Variants in HAUS6 observed in about 807,000 individuals in gnomAD.
HAUS6 encodes HAUS augmin like complex subunit 6, also known as HAUS augmin-like complex subunit 6.
In HAUS6, 80 loss-of-function variants were observed where a neutral mutation model predicts 106.8. The observed-to-expected ratio is 0.75, with a 90% confidence interval of 0.63 to 0.90. HAUS6 has a LOEUF of 0.90. Ranked by LOEUF, HAUS6 falls within the 40% of genes least tolerant of loss-of-function variation. The pLI, the probability that HAUS6 is intolerant of heterozygous loss-of-function variation, is 0.00. For missense variants in HAUS6, 1,155 were observed against 1,118.1 expected, an observed-to-expected ratio of 1.03 and a Z score of -0.47; for synonymous variants, 356 against 379.1, an observed-to-expected ratio of 0.94 and a Z score of 0.71.
At chr9:19,080,747 G>GT in intron 8 of HAUS6, 75 bp from the exon 9 acceptor site, 1 of 816,080 alleles carries the variant, frequency 1.2e-6, no homozygotes, top group Non-Finnish European at 1.9e-6. Flanking sequence ...AAATATTTAT[G>GT]TTTTTTACTA....
At chr9:19,074,424 A>C (rs1836946957) in intron 11 of HAUS6, among the ~76,000 whole-genome samples, 1 of 151,912 alleles carries the variant, frequency 6.6e-6, no homozygotes, top group African/African-American at 2.4e-5. Flanking sequence ...GACACACACC[A>C]CCAGGCCTGG....
intron 8 of HAUS6, among the ~76,000 whole-genome samples, chr9:19,081,748 T>C (rs757380966): frequency 6.6e-6 from 1 of 152,260 alleles, no homozygotes; most frequent in East Asian, 1.9e-4. Flanking sequence ...CAGTTTCCAA[T>C]ACTTTTTAAA....
chr9:19,092,400 G>A (rs1037657193), intron 4 of HAUS6, among the ~76,000 whole-genome samples: 7 of 151,826 alleles, frequency 4.6e-5, no homozygotes, highest in African/African-American at 1.7e-4. Context: ...CGGATCACCT[G>A]AGGTCGGGAG....
Position 19,087,173 on chromosome 9 carries a change from A to C in HAUS6, c.585-17T>G, listed in dbSNP as rs1276112113. The C allele has an allele frequency of 7.5e-7, 1 of 1,333,420 alleles. No homozygotes were observed. Among genetic ancestry groups the C allele is most frequent in the South Asian group, 1.2e-5 (1 of 85,014 alleles). 82.6% of individuals were successfully genotyped at this position (1,333,420 alleles called of 1,614,324 possible). A position where few individuals can be genotyped will look rare whatever the true frequency, so the allele number is the denominator to read the frequency against. Reference sequence around the variant, plus strand: ...ACTGATAATCTGCAAGAAAACATACAAAATGACAACTATAATACCATTACG... The same window carrying C: ...ACTGATAATCTGCAAGAAAACATACCAAATGACAACTATAATACCATTACG... On this transcript the variant is annotated splice_polypyrimidine_tract_variant and intron_variant, in intron 5 of 16. Coordinates refer to ENST00000380502, the MANE Select transcript of HAUS6 (RefSeq NM_017645.5).
intron 10 of HAUS6, among the ~76,000 whole-genome samples, chr9:19,077,144 C>G (rs1226084357): frequency 7.9e-5 from 12 of 152,138 alleles, no homozygotes. Context: ...ACGCCCAGCC[C>G]TATAACTATT....
At chr9:19,087,623 G>C (rs1285566459) in intron 5 of HAUS6, among the ~76,000 whole-genome samples, 1 of 152,066 alleles carries the variant, frequency 6.6e-6, no homozygotes. Context: ...GGGAGGCTGA[G>C]GCAGGAATGT....
At chr9:19,098,093 T>A (rs899050633) in intron 1 of HAUS6, among the ~76,000 whole-genome samples, 12 of 152,228 alleles carry the variant, frequency 7.9e-5, no homozygotes, top group African/African-American at 2.4e-4. Flanking sequence ...CTTTGACACT[T>A]ATTGTAATTT....
At chr9:19,099,654 G>T (rs1297543347) in intron 1 of HAUS6, among the ~76,000 whole-genome samples, 1 of 152,148 alleles carries the variant, frequency 6.6e-6, no homozygotes, top group East Asian at 1.9e-4. Context: ...AAGAGACAGG[G>T]TCTCACTATG....
intron 12 of HAUS6, among the ~76,000 whole-genome samples, chr9:19,064,025 T>G (rs1836702716): frequency 6.6e-6 from 1 of 151,190 alleles, no homozygotes. Context: ...TAGAGTGCAA[T>G]GGCGCGATCT....
In HAUS6 at chr9:19,055,585, A is replaced by C; in HGVS notation, c.*758T>G. 1 of 152,264 alleles carries C rather than the reference A, an allele frequency of 6.6e-6. No homozygotes were observed. The highest frequency in any genetic ancestry group is 1.9e-4 in the East Asian group (1 of 5,204). 9.4% of individuals were successfully genotyped at this position (152,264 alleles called of 1,614,324 possible). The stretch of plus-strand genomic sequence containing the variant: ...TTGTTAAAATATAAAAGTAGCATTA[A>C]ATTATCAAAGTCTAAATTAGACTAA... On this transcript the variant is annotated 3_prime_UTR_variant, in exon 17 of 17. Transcript: ENST00000380502.
At chr9:19,094,722 T>C (rs1299102779) in intron 2 of HAUS6, among the ~76,000 whole-genome samples, 1 of 151,772 alleles carries the variant, frequency 6.6e-6, no homozygotes, top group Non-Finnish European at 1.5e-5. Context: ...ACCCAGGAGA[T>C]GGAGTCTGCA....
Position 19,077,919 on chromosome 9 carries a change from G to A in HAUS6, c.1191+257C>T, listed in dbSNP as rs573684752. 1.7e-3 allele frequency among the ~76,000 whole-genome samples: 265 copies of A among 152,138 alleles called. 2 individuals are homozygous for A. Among genetic ancestry groups the A allele is most frequent in the African/African-American group, 6.1e-3 (255 of 41,524 alleles). On this transcript the variant is annotated intron_variant, in intron 10 of 16. Transcript: ENST00000380502. ...ATAAAATTAAAGAAAAAATTAGCCAGGCTTGGTGGTGCAAACCTGTAGTCC... is the reference window on the plus strand; with the variant it reads ...ATAAAATTAAAGAAAAAATTAGCCAAGCTTGGTGGTGCAAACCTGTAGTCC...
intron 12 of HAUS6, among the ~76,000 whole-genome samples, chr9:19,068,882 A>AT (rs1836824696): frequency 6.6e-6 from 1 of 152,202 alleles, no homozygotes; most frequent in Admixed American, 6.5e-5. Context: ...ATAGAGAAAA[A>AT]AAAAGGCAAT....
At chr9:19,097,780 A>T (rs796689068) in intron 1 of HAUS6, among the ~76,000 whole-genome samples, 2 of 151,890 alleles carry the variant, frequency 1.3e-5, no homozygotes, top group Non-Finnish European at 2.9e-5. Context: ...AAAAAAAAAA[A>T]GTGAAAACAA....
rs185455264 is a variant in HAUS6 at position 19,083,011 on chromosome 9, C to A, written c.732G>T (p.Thr244=). 4 of 1,588,186 alleles carry A rather than the reference C, an allele frequency of 2.5e-6. No homozygotes were observed. Among genetic ancestry groups the A allele is most frequent in the Non-Finnish European group, 3.4e-6 (4 of 1,169,990 alleles). The change falls in exon 8 of 17, where the codon ACG becomes ACT. Residue 244 remains threonine (T), a synonymous_variant. Transcript: ENST00000380502. ...CTCTCTCTTTTTCCAAAAACATGAGCGTTTCATTCACTGAAGCCCACAAAG... is the reference window on the plus strand; with the variant it reads ...CTCTCTCTTTTTCCAAAAACATGAGAGTTTCATTCACTGAAGCCCACAAAG... ...VRSLWASVNE[T]LMFLEKEREV... is the part of the protein sequence containing the mutation.
intron 1 of HAUS6, among the ~76,000 whole-genome samples, chr9:19,100,111 T>C (rs1231648346): frequency 6.6e-6 from 1 of 152,122 alleles, no homozygotes; most frequent in Non-Finnish European, 1.5e-5. Context: ...AGAGAATTGC[T>C]TGAACCAGGG....
chr9:19,096,408 T>C (rs932934419), intron 2 of HAUS6, among the ~76,000 whole-genome samples: 2 of 151,826 alleles, frequency 1.3e-5, no homozygotes, highest in Non-Finnish European at 2.9e-5. Context: ...CCAATAAAAA[T>C]GCAAAACTTA....
At chr9:19,083,169 T>G (rs534120233) in intron 7 of HAUS6, 126 bp from the exon 8 acceptor site, 1 of 477,124 alleles carries the variant, frequency 2.1e-6, no homozygotes, top group African/African-American at 2.0e-5. Context: ...ATTAAATAAT[T>G]ATACTTTAAT....
At chr9:19,090,205 C>T (rs1297445892) in intron 4 of HAUS6, among the ~76,000 whole-genome samples, 5 of 151,678 alleles carry the variant, frequency 3.3e-5, no homozygotes, top group South Asian at 2.1e-4. Context: ...TTTCTAAAGG[C>T]GAGTTATTTT....
Sources: gnomAD v4.1 joint callset for allele counts (sites outside exome capture counted in the v4.1 genomes callset) on GRCh38, gnomAD v4.1.1 for gene constraint, MANE v1.5 for transcripts, NCBI Gene and HGNC (gene_info 2026-07-23, HGNC 2026-07-21) for gene names.